The following RAP1GAP2 variants were observed in gnomAD, a reference collection of about 807,000 sequenced individuals.
RAP1GAP2 encodes the protein RAP1 GTPase activating protein 2, also known as rap1 GTPase-activating protein 2.
In RAP1GAP2, 27 loss-of-function variants were observed where a neutral mutation model predicts 95.0. That is an observed-to-expected ratio of 0.28 (90% CI 0.21 to 0.39). The LOEUF (loss-of-function observed/expected upper bound fraction) is 0.39. Ranked by LOEUF, RAP1GAP2 falls within the 10% of genes least tolerant of loss-of-function variation. RAP1GAP2 has a pLI of 1.00. For missense variants in RAP1GAP2, 771 were observed against 970.0 expected (o/e 0.79, Z 2.72); for synonymous variants, 373 against 380.9 (o/e 0.98, Z 0.24).
intron 2 of RAP1GAP2, among the ~76,000 whole-genome samples, chr17:2,801,599 GTGT>G (rs2069299523): frequency 6.7e-4 from 5 of 7,470 alleles, no homozygotes; most frequent in African/African-American, 1.0e-3. Context: ...TCCAGGGTAT[GTGT>G]GTGTGTGTGT....
chr17:2,769,231 CTAAAAAAAAAAAA>C (rs2068337789), intron 1 of RAP1GAP2, among the ~76,000 whole-genome samples: 1 of 61,374 alleles, frequency 1.6e-5, no homozygotes, highest in African/African-American at 7.1e-5. Flanking sequence ...AACCATTTCT[CTAAAAAAAAAAAA>C]AAAAAAAAAA....
In RAP1GAP2 at chr17:3,018,157, A is replaced by G. The variant is rs1317397226; in HGVS notation, c.1591A>G (p.Ile531Val). ...GGIPGSLSGGISHNSMEVTKT... is the reference protein window; with the variant it reads ...GGIPGSLSGGVSHNSMEVTKT... ...CATCCCTGGCAGCCTCAGCGGGGGC[A>G]TCTCCCACAACAGCATGGAGGTCAC... The change falls in exon 18 of 25, where the codon ATC becomes GTC. Residue 531 changes from isoleucine (I) to valine (V), a missense_variant. Transcript: ENST00000254695. 2.5e-6 allele frequency: 4 copies of G among 1,579,156 alleles called. No individual in the cohort carries two copies. The highest frequency in any genetic ancestry group is 2.6e-6 in the Non-Finnish European group (3 of 1,163,186).
chr17:2,818,146 A>T (rs1372807865), intron 2 of RAP1GAP2, among the ~76,000 whole-genome samples: 3 of 150,470 alleles, frequency 2.0e-5, no homozygotes, highest in Non-Finnish European at 4.4e-5. Context: ...TCTATGTTTA[A>T]TTTTTTTAGC....
At chr17:2,800,585 G>A in intron 2 of RAP1GAP2, 35 bp downstream of exon 2, 2 of 1,604,404 alleles carry the variant, frequency 1.2e-6, no homozygotes, top group Non-Finnish European at 8.5e-7. Flanking sequence ...AAAGGTCAGA[G>A]ATGACGCGGA....
intron 20 of RAP1GAP2, 80 bp downstream of exon 20, chr17:3,026,201 G>C (rs1016627189): frequency 1.5e-5 from 20 of 1,340,534 alleles, no homozygotes; most frequent in Non-Finnish European, 2.0e-5. Flanking sequence ...GGCCAGCTGA[G>C]AGTGGCCATC....
intron 10 of RAP1GAP2, among the ~76,000 whole-genome samples, chr17:2,981,820 A>G (rs1050074759): frequency 1.5e-4 from 23 of 152,212 alleles, no homozygotes; most frequent in African/African-American, 5.1e-4. Context: ...AAGAGCAATA[A>G]TAATAAACCC....
chr17:2,787,173 A>T (rs1253579738), intron 1 of RAP1GAP2, among the ~76,000 whole-genome samples: 1 of 148,010 alleles, frequency 6.8e-6, no homozygotes, highest in Non-Finnish European at 1.5e-5. Context: ...CTGGTCTCGA[A>T]CTCCTGACCT....
rs2046303873 is a variant in RAP1GAP2, at chr17:3,005,499, G to C, written c.1272+59G>C. 6.5e-7 allele frequency: 1 copy of C among 1,544,910 alleles called. No homozygotes were observed. The highest frequency in any genetic ancestry group is 2.2e-5 in the East Asian group (1 of 44,500). On this transcript the variant is annotated intron_variant, in intron 15 of 24. Transcript: ENST00000254695. The surrounding 1 kb of genome is among the most constrained non-coding windows in gnomAD (Gnocchi z 5.2). ...CACGATGCCAGGTCTCAGTGCTTGA[G>C]TAGCAATGGTTGGGATGGAGCCAAA...
intron 8 of RAP1GAP2, among the ~76,000 whole-genome samples, chr17:2,972,285 C>G (rs1369494090): frequency 6.6e-6 from 1 of 151,626 alleles, no homozygotes; most frequent in Non-Finnish European, 1.5e-5. Context: ...TTAAACTGTT[C>G]AAGAGAAAAG....
chr17:2,940,087 C>T (rs2043438969), intron 3 of RAP1GAP2, among the ~76,000 whole-genome samples: 1 of 152,168 alleles, frequency 6.6e-6, no homozygotes, highest in Non-Finnish European at 1.5e-5. Context: ...TCGTGAGTGT[C>T]CCTGGGCTGT....
intron 1 of RAP1GAP2, among the ~76,000 whole-genome samples, chr17:2,762,397 C>CTTT (rs71150894): frequency 2.4e-5 from 3 of 124,208 alleles, no homozygotes; most frequent in South Asian, 2.5e-4. Context: ...TTTTTTCTTT[C>CTTT]TTTTTTTTTT....
At chr17:2,860,594 C>CTT (rs561492877) in intron 2 of RAP1GAP2, among the ~76,000 whole-genome samples, 1,394 of 96,040 alleles carry the variant, frequency 0.015, 177 homozygotes, top group African/African-American at 0.045. Flanking sequence ...ACTTATTTAT[C>CTT]TTTTTTTTTT....
intron 12 of RAP1GAP2, among the ~76,000 whole-genome samples, chr17:2,994,257 C>G (rs1412724575): frequency 6.6e-6 from 1 of 152,192 alleles, no homozygotes; most frequent in African/African-American, 2.4e-5. Context: ...GCCATGCCAG[C>G]CTGGGCACAT....
At chr17:2,793,026 C>T (rs2068967629), upstream of RAP1GAP2, among the ~76,000 whole-genome samples, 5 of 152,142 alleles carry the variant, frequency 3.3e-5, no homozygotes, top group African/African-American at 9.7e-5. Context: ...GTGAGGCGTG[C>T]CCAAGTGTGA....
At chr17:2,872,086 C>T (rs1008090144) in intron 2 of RAP1GAP2, among the ~76,000 whole-genome samples, 6 of 151,694 alleles carry the variant, frequency 4.0e-5, no homozygotes, top group Admixed American at 2.6e-4. Context: ...TGGTGATGCA[C>T]GCCTGTAATC....
intron 2 of RAP1GAP2, among the ~76,000 whole-genome samples, chr17:2,835,010 C>G (rs1004985176): frequency 6.6e-6 from 1 of 151,866 alleles, no homozygotes; most frequent in African/African-American, 2.4e-5. Flanking sequence ...CACTCCACCT[C>G]CCAGGTTCAT....
At position 3,018,251 on chromosome 17, in the gene RAP1GAP2, C is replaced by G. The variant is rs969782763; in HGVS notation, c.1632+53C>G. The G allele has an allele frequency of 6.8e-5, 104 of 1,519,342 alleles. 1 individual carries two copies. In the African/African-American group the frequency reaches 1.0e-3, roughly 15 times the overall value. 94.1% of individuals were successfully genotyped at this position (1,519,342 alleles called of 1,614,324 possible). Reference sequence around the variant, plus strand: ...AAGTGGGTCCCAGGGAGGCCCCCCCCAGACCTATGGAGGAAGAGTGCCCCC... The same window carrying G: ...AAGTGGGTCCCAGGGAGGCCCCCCCGAGACCTATGGAGGAAGAGTGCCCCC... On this transcript the variant is annotated intron_variant, in intron 18 of 24. Transcript: ENST00000254695.
chr17:2,946,772 T>C (rs1215998025), intron 3 of RAP1GAP2, among the ~76,000 whole-genome samples: 1 of 152,204 alleles, frequency 6.6e-6, no homozygotes, highest in Non-Finnish European at 1.5e-5. Flanking sequence ...TTTTTATTTT[T>C]GAGACAGAGT....
chr17:2,943,091 C>G (rs998253069), intron 3 of RAP1GAP2, among the ~76,000 whole-genome samples: 4 of 151,856 alleles, frequency 2.6e-5, no homozygotes, highest in East Asian at 1.9e-4. Flanking sequence ...ATTTGATCAT[C>G]CCCAAATAAA....
Sources: gnomAD v4.1 joint callset for allele counts (sites outside exome capture counted in the v4.1 genomes callset) on GRCh38, gnomAD v4.1.1 for gene constraint, Gnocchi (gnomAD v3.1) non-coding constraint, MANE v1.5 for transcripts, NCBI Gene and HGNC (gene_info 2026-07-23, HGNC 2026-07-21) for gene names.